Variants in KCTD16 observed in about 807,000 individuals in gnomAD.
KCTD16 encodes the protein BTB/POZ domain-containing protein KCTD16.
KCTD16 carries 13 observed loss-of-function variants against 33.2 expected under a neutral mutation model. That is an observed-to-expected ratio of 0.39 (90% CI 0.25 to 0.62). The LOEUF (loss-of-function observed/expected upper bound fraction) is 0.62. KCTD16 is among the 20% of genes least tolerant of loss of function. The pLI is 0.50. For missense variants in KCTD16, 441 were observed against 525.1 expected (o/e 0.84, Z 1.57); for synonymous variants, 197 against 195.3 (o/e 1.01, Z -0.07).
chr5:144,188,608 C>G, intron 2 of KCTD16, among the ~76,000 whole-genome samples: 1 of 152,122 alleles, frequency 6.6e-6, no homozygotes. Flanking sequence ...TTTTCAATGA[C>G]TATAAATCAA....
intron 3 of KCTD16, among the ~76,000 whole-genome samples, chr5:144,444,536 G>C (rs1753778851): frequency 6.6e-6 from 1 of 151,466 alleles, no homozygotes. Flanking sequence ...CCTCAATAAT[G>C]TTTTTTTTAA....
At chr5:144,330,955 G>T (rs1416767432) in intron 3 of KCTD16, among the ~76,000 whole-genome samples, 1 of 152,238 alleles carries the variant, frequency 6.6e-6, no homozygotes, top group African/African-American at 2.4e-5. Context: ...CGGAATAAAT[G>T]AAGTGCTGTA....
intron 3 of KCTD16, among the ~76,000 whole-genome samples, chr5:144,438,234 TC>T (rs1167361807): frequency 2.6e-5 from 4 of 152,342 alleles, no homozygotes; most frequent in African/African-American, 9.6e-5. Flanking sequence ...AGTACAATGT[TC>T]CTTGATCCTG....
intron 3 of KCTD16, among the ~76,000 whole-genome samples, chr5:144,418,260 G>C (rs576753606): frequency 5.3e-5 from 8 of 152,138 alleles, no homozygotes; most frequent in African/African-American, 1.2e-4. Context: ...CTTCCACAGC[G>C]TGGAAGGAGA....
intron 3 of KCTD16, among the ~76,000 whole-genome samples, chr5:144,370,134 C>T (rs915085748): frequency 4.6e-5 from 7 of 151,998 alleles, no homozygotes; most frequent in Non-Finnish European, 2.9e-5. Flanking sequence ...TTCATCAGAT[C>T]GTTTCCAAAG....
Position 144,475,911 on chromosome 5 carries a change from G to A in KCTD16, c.*1797G>A, listed in dbSNP as rs560378586. The A allele has an allele frequency of 1.3e-5, 2 of 152,188 alleles. No homozygotes were observed. The highest frequency in any genetic ancestry group is 2.4e-5 in the African/African-American group (1 of 41,436). The allele number at this position is 152,188 out of a possible 1,614,324, so 9.4% of individuals were successfully genotyped here. A position where few individuals can be genotyped will look rare whatever the true frequency, so the allele number is the denominator to read the frequency against. ...TCAGCTAATGTTTCCTTGTCCTGAA[G>A]GTTTGAATGGAGTTGAAAGTTTTAC... On this transcript the variant is annotated 3_prime_UTR_variant, in exon 4 of 4. Coordinates refer to ENST00000512467, the MANE Select transcript of KCTD16 (RefSeq NM_020768.4).
At chr5:144,417,800 G>T (rs181934155) in intron 3 of KCTD16, among the ~76,000 whole-genome samples, 150 of 152,050 alleles carry the variant, frequency 9.9e-4, no homozygotes, top group African/African-American at 3.5e-3. Context: ...CTCCAACTTC[G>T]TTCTTCTGCA....
intron 3 of KCTD16, among the ~76,000 whole-genome samples, chr5:144,269,868 A>G (rs866923491): frequency 2.6e-5 from 4 of 152,090 alleles, no homozygotes; most frequent in Non-Finnish European, 5.9e-5. Context: ...GTTGTAAAAG[A>G]GCATAGTTTG....
intron 3 of KCTD16, among the ~76,000 whole-genome samples, chr5:144,358,335 G>A (rs886653128): frequency 4.6e-5 from 7 of 152,142 alleles, no homozygotes; most frequent in African/African-American, 9.7e-5. Flanking sequence ...AAACACAAAG[G>A]TGGTGAGAGG....
At chr5:144,291,284 A>G (rs1755889810) in intron 3 of KCTD16, among the ~76,000 whole-genome samples, 1 of 152,000 alleles carries the variant, frequency 6.6e-6, no homozygotes, top group Non-Finnish European at 1.5e-5. Context: ...AAGCACTCTA[A>G]ATTCTTACCA....
intron 3 of KCTD16, among the ~76,000 whole-genome samples, chr5:144,361,418 C>G (rs751566197): frequency 2.6e-5 from 4 of 152,168 alleles, no homozygotes; most frequent in Middle Eastern, 3.4e-3. Flanking sequence ...TATAACAACC[C>G]CTTTCACTCT....
At chr5:144,332,495 T>A (rs1752385155) in intron 3 of KCTD16, among the ~76,000 whole-genome samples, 1 of 152,248 alleles carries the variant, frequency 6.6e-6, no homozygotes, top group Admixed American at 6.5e-5. Context: ...TGTCTTCAGA[T>A]AACTGAACCA....
At chr5:144,342,359 T>C (rs1752669950) in intron 3 of KCTD16, among the ~76,000 whole-genome samples, 2 of 152,246 alleles carry the variant, frequency 1.3e-5, no homozygotes, top group Non-Finnish European at 2.9e-5. Context: ...AGTTCATTCA[T>C]GATTTGGCTC....
At chr5:144,198,683 GT>G (rs1254252184) in intron 2 of KCTD16, among the ~76,000 whole-genome samples, 1 of 152,184 alleles carries the variant, frequency 6.6e-6, no homozygotes, top group East Asian at 1.9e-4. Flanking sequence ...GAGCCAGCCT[GT>G]TCATTCACTT....
chr5:144,472,723 A>G (rs1404395260), intron 3 of KCTD16, among the ~76,000 whole-genome samples: 1 of 152,220 alleles, frequency 6.6e-6, no homozygotes, highest in Non-Finnish European at 1.5e-5. Context: ...CTAATATGAT[A>G]TATAACAAAA....
intron 3 of KCTD16, among the ~76,000 whole-genome samples, chr5:144,305,737 C>T (rs1719996752): frequency 6.6e-6 from 1 of 152,152 alleles, no homozygotes; most frequent in Admixed American, 6.6e-5. Context: ...CCACTTGAAC[C>T]CAGGAGGCGC....
intron 3 of KCTD16, among the ~76,000 whole-genome samples, chr5:144,257,495 CTT>C (rs200355726): frequency 6.8e-6 from 1 of 146,114 alleles, no homozygotes. Context: ...GTCATAGTTT[CTT>C]TTTTTTTTTG....
At chr5:144,189,737 G>A (rs1011800079) in intron 2 of KCTD16, among the ~76,000 whole-genome samples, 2 of 152,050 alleles carry the variant, frequency 1.3e-5, no homozygotes, top group East Asian at 3.9e-4. Context: ...TTTTCAGGTG[G>A]TTTGCCAGCA....
At chr5:144,189,308 T>C (rs1447771086) in intron 2 of KCTD16, among the ~76,000 whole-genome samples, 1 of 151,884 alleles carries the variant, frequency 6.6e-6, no homozygotes, top group African/African-American at 2.4e-5. Context: ...CTGGCTAACA[T>C]GGTGAAACCC....
Sources: allele counts gnomAD v4.1 joint callset (sites outside exome capture counted in the v4.1 genomes callset), GRCh38; gene constraint gnomAD v4.1.1; transcripts MANE v1.5; gene names NCBI Gene and HGNC (gene_info 2026-07-23, HGNC 2026-07-21).